The following NIPBL variants were observed in gnomAD, a reference collection of about 807,000 sequenced individuals.
NIPBL encodes NIPBL cohesin loading factor, also known as nipped-B-like protein.
NIPBL carries 19 observed loss-of-function variants against 321.8 expected under a neutral mutation model. The observed-to-expected ratio is 0.06, with a 90% CI of 0.04 to 0.09. The LOEUF (loss-of-function observed/expected upper bound fraction) is 0.09. Ranked by LOEUF, NIPBL falls within the 10% of genes least tolerant of loss-of-function variation. The pLI is 1.00. For missense variants in NIPBL, 2,210 were observed against 3,327.0 expected, an observed-to-expected ratio of 0.66 and a Z score of 8.26; for synonymous variants, 1,106 against 1,114.1, an observed-to-expected ratio of 0.99 and a Z score of 0.14.
At chr5:36,896,836 G>A (rs142360678) in intron 1 of NIPBL, among the ~76,000 whole-genome samples, 2,404 of 152,182 alleles carry the variant, frequency 0.016, 76 homozygotes, top group African/African-American at 0.054. Flanking sequence ...CTGGCCTCAA[G>A]TGATCTGCCT....
intron 9 of NIPBL, among the ~76,000 whole-genome samples, chr5:36,981,178 C>A (rs1744094096): frequency 1.3e-5 from 2 of 151,564 alleles, no homozygotes; most frequent in Non-Finnish European, 1.5e-5. Context: ...ATTTGTCTGG[C>A]CTACTAGTTG....
chr5:36,940,000 G>A (rs183785936), intron 1 of NIPBL, among the ~76,000 whole-genome samples: 51 of 152,258 alleles, frequency 3.3e-4, no homozygotes, highest in Non-Finnish European at 5.9e-4. Context: ...TCATTTGCAG[G>A]TTTTTGCATG....
intron 14 of NIPBL, among the ~76,000 whole-genome samples, chr5:37,002,359 A>G (rs1746913677): frequency 6.6e-6 from 1 of 152,046 alleles, no homozygotes. Flanking sequence ...GGCATGGGAG[A>G]CTCTTGATGT....
intron 22 of NIPBL, among the ~76,000 whole-genome samples, chr5:37,015,365 C>A (rs1243880277): frequency 6.6e-6 from 1 of 152,152 alleles, no homozygotes; most frequent in African/African-American, 2.4e-5. Flanking sequence ...CTCCGGTGAT[C>A]TGCCTGCCCT....
intron 32 of NIPBL, among the ~76,000 whole-genome samples, chr5:37,034,297 T>G (rs1161943217): frequency 6.6e-6 from 1 of 152,198 alleles, no homozygotes; most frequent in African/African-American, 2.4e-5. Context: ...TTACAGCCAC[T>G]TGAAAAATGA....
chr5:37,032,416 T>TA (rs1751156341), intron 32 of NIPBL, among the ~76,000 whole-genome samples: 1 of 150,094 alleles, frequency 6.7e-6, no homozygotes, highest in African/African-American at 2.4e-5. Context: ...TGTGTGTGTG[T>TA]GTGTGTGTGT....
intron 4 of NIPBL, 134 bp downstream of exon 4, chr5:36,958,365 A>G (rs1561078644): frequency 1.3e-6 from 1 of 778,148 alleles, no homozygotes; most frequent in East Asian, 2.7e-5. Flanking sequence ...ACAAGAAGGA[A>G]ACTAAACTGA....
intron 32 of NIPBL, among the ~76,000 whole-genome samples, chr5:37,034,688 A>T (rs1270703595): frequency 6.6e-6 from 1 of 152,242 alleles, no homozygotes; most frequent in Non-Finnish European, 1.5e-5. Flanking sequence ...CATACAGCTT[A>T]TACTTTTTTT....
intron 2 of NIPBL, among the ~76,000 whole-genome samples, chr5:36,953,978 G>T (rs1212309905): frequency 1.3e-5 from 2 of 152,164 alleles, no homozygotes; most frequent in Non-Finnish European, 2.9e-5. Context: ...GTTGGAGCTT[G>T]TTGGAGGTAT....
chr5:37,015,889 A>G (rs1175966221), intron 22 of NIPBL, 149 bp from the exon 23 acceptor site: 1 of 698,334 alleles, frequency 1.4e-6, no homozygotes, highest in African/African-American at 1.8e-5. Flanking sequence ...CTCATTTTAA[A>G]CCATATTTTA....
intron 6 of NIPBL, among the ~76,000 whole-genome samples, chr5:36,967,011 A>G (rs1046173332): frequency 6.6e-6 from 1 of 152,038 alleles, no homozygotes; most frequent in African/African-American, 2.4e-5. Context: ...TATATAAATT[A>G]CATAAATATA....
chr5:36,910,251 C>G (rs1747946930), intron 1 of NIPBL, among the ~76,000 whole-genome samples: 1 of 152,120 alleles, frequency 6.6e-6, no homozygotes, highest in African/African-American at 2.4e-5. Flanking sequence ...CTTTGTTTTT[C>G]TAGAACATGA....
At chr5:37,046,047 A>T in intron 37 of NIPBL, 62 bp from the exon 38 acceptor site, 6 of 845,904 alleles carry the variant, frequency 7.1e-6, no homozygotes, top group Admixed American at 3.7e-5. Flanking sequence ...TTTTTCCTTT[A>T]TAGTTGAAAA....
intron 14 of NIPBL, 138 bp downstream of exon 14, chr5:37,001,216 A>G (rs538392275): frequency 1.8e-5 from 12 of 652,984 alleles, no homozygotes; most frequent in East Asian, 1.4e-4. Context: ...GTTGCTGACA[A>G]TGATAAACTT....
At chr5:37,054,297 A>C (rs1056489076) in intron 42 of NIPBL, among the ~76,000 whole-genome samples, 1 of 152,170 alleles carries the variant, frequency 6.6e-6, no homozygotes, top group Non-Finnish European at 1.5e-5. Flanking sequence ...CATAGTGCAG[A>C]TATCTTACTA....
rs56296839 is a variant in NIPBL at position 36,956,450 on chromosome 5, G to A, written c.230+813G>A. Among the ~76,000 whole-genome samples, 337 of 151,616 alleles carry A rather than the reference G, an allele frequency of 2.2e-3. 3 individuals are homozygous for A. Among genetic ancestry groups the A allele is most frequent in the African/African-American group, 7.7e-3 (317 of 41,290 alleles). ...ATGGAGAGATATCTACATTAGATGC[G>A]GTACATATTTTTGGGGCATTTTTAA... is the stretch of plus-strand genomic sequence containing the variant. On this transcript the variant is annotated intron_variant, in intron 3 of 46. Transcript: ENST00000282516.
intron 1 of NIPBL, among the ~76,000 whole-genome samples, chr5:36,951,861 A>G (rs2149594482): frequency 6.6e-6 from 1 of 152,140 alleles, no homozygotes; most frequent in South Asian, 2.1e-4. Flanking sequence ...TTAGCTGGCA[A>G]TTAGTAAAGA....
intron 1 of NIPBL, among the ~76,000 whole-genome samples, chr5:36,887,101 A>G (rs1166998139): frequency 2.0e-5 from 3 of 151,964 alleles, no homozygotes; most frequent in Admixed American, 6.6e-5. Context: ...TCGACCCCCA[A>G]ATTTTACTTA....
At chr5:36,925,266 T>C (rs1200515109) in intron 1 of NIPBL, among the ~76,000 whole-genome samples, 1 of 127,928 alleles carries the variant, frequency 7.8e-6, no homozygotes. Flanking sequence ...ATACATTAAT[T>C]CATTACTTTT....
Sources: gnomAD v4.1 joint callset for allele counts (sites outside exome capture counted in the v4.1 genomes callset) on GRCh38, gnomAD v4.1.1 for gene constraint, MANE v1.5 for transcripts, NCBI Gene and HGNC (gene_info 2026-07-23, HGNC 2026-07-21) for gene names.